Variants in LIMCH1 observed in about 807,000 individuals in gnomAD.
LIMCH1 encodes LIM and calponin homology domains-containing protein 1.
LIMCH1 carries 113 observed loss-of-function variants against 176.5 expected under a neutral mutation model. The observed-to-expected ratio is 0.64, with a 90% CI of 0.55 to 0.75. LIMCH1 has a LOEUF of 0.75. LIMCH1 is among the 30% of genes least tolerant of loss of function. The pLI is 0.00. For synonymous variants in LIMCH1, 619 were observed against 645.9 expected (o/e 0.96, Z 0.63); for missense variants, 1,674 against 1,814.9 (o/e 0.92, Z 1.41).
intron 1 of LIMCH1, among the ~76,000 whole-genome samples, chr4:41,410,556 GT>G (rs2154123185): frequency 6.6e-6 from 1 of 152,260 alleles, no homozygotes; most frequent in African/African-American, 2.4e-5. Context: ...CGACCAGGGT[GT>G]GATAGCTCTG....
intron 18 of LIMCH1, among the ~76,000 whole-genome samples, chr4:41,657,521 T>C (rs187355220): frequency 5.4e-4 from 83 of 152,338 alleles, no homozygotes; most frequent in African/African-American, 1.9e-3. Context: ...ATCGACTACC[T>C]ATTACTCAGC....
At chr4:41,465,776 A>G (rs560240100) in intron 1 of LIMCH1, among the ~76,000 whole-genome samples, 3 of 152,188 alleles carry the variant, frequency 2.0e-5, no homozygotes, top group Non-Finnish European at 4.4e-5. Flanking sequence ...TTCCTTCCCT[A>G]TAGAATAGAT....
At chr4:41,374,102 A>G (rs923733755) in intron 1 of LIMCH1, among the ~76,000 whole-genome samples, 1 of 152,092 alleles carries the variant, frequency 6.6e-6, no homozygotes, top group Non-Finnish European at 1.5e-5. Context: ...AGGTAGTTCT[A>G]TATAGCAGTG....
intron 2 of LIMCH1, among the ~76,000 whole-genome samples, chr4:41,523,947 C>T (rs2076362756): frequency 6.6e-6 from 1 of 152,190 alleles, no homozygotes; most frequent in Non-Finnish European, 1.5e-5. Flanking sequence ...TCTCAAAGAG[C>T]AAGTAGGGTC....
chr4:41,392,860 G>A (rs555280540), intron 1 of LIMCH1, among the ~76,000 whole-genome samples: 8 of 151,998 alleles, frequency 5.3e-5, no homozygotes, highest in South Asian at 2.1e-4. Context: ...GTGAAACCCC[G>A]TCTCTACAAA....
chr4:41,648,376 A>G (rs2094148336), intron 17 of LIMCH1, among the ~76,000 whole-genome samples: 1 of 152,190 alleles, frequency 6.6e-6, no homozygotes, highest in Admixed American at 6.5e-5. Context: ...CCATGGCGGC[A>G]AAGTGGAGCA....
intron 31 of LIMCH1, among the ~76,000 whole-genome samples, chr4:41,694,129 T>G (rs1219732097): frequency 6.6e-6 from 1 of 152,090 alleles, no homozygotes; most frequent in Non-Finnish European, 1.5e-5. Context: ...GATTTGGAGG[T>G]AGGCCACAAA....
intron 3 of LIMCH1, among the ~76,000 whole-genome samples, chr4:41,531,474 T>TCTCACACACACACACA (rs777097315): frequency 7.9e-6 from 1 of 126,986 alleles, no homozygotes; most frequent in African/African-American, 3.3e-5. Flanking sequence ...TCTTTCTCTG[T>TCTCACACACACACACA]CACACACACA....
intron 1 of LIMCH1, among the ~76,000 whole-genome samples, chr4:41,438,361 T>TTTTTC (rs1190349703): frequency 1.3e-5 from 2 of 152,020 alleles, no homozygotes; most frequent in Non-Finnish European, 2.9e-5. Flanking sequence ...TGCCTTTTAA[T>TTTTTC]TTTTCTTTTC....
intron 1 of LIMCH1, among the ~76,000 whole-genome samples, chr4:41,544,389 C>G (rs777995424): frequency 3.3e-5 from 5 of 152,232 alleles, no homozygotes; most frequent in Middle Eastern, 3.4e-3. Flanking sequence ...GTTCTTAACC[C>G]TGCAAGGTTT....
Position 41,524,536 on chromosome 4 carries a change from C to T in LIMCH1, c.237+58C>T. The stretch of plus-strand genomic sequence containing the variant: ...TATTCCTTTGCTCTAACCTAGGGGT[C>T]ATGACAGCACCATTTATTACAGTTC... On this transcript the variant is annotated intron_variant, in intron 3 of 26. Coordinates refer to the LIMCH1 transcript ENST00000313860. 3.3e-6 allele frequency: 4 copies of T among 1,202,180 alleles called. No individual in the cohort carries two copies. The South Asian group carries it at 4.9e-5, about 15-fold the overall frequency. The allele number at this position is 1,202,180 out of a possible 1,614,324, so 74.5% of individuals were successfully genotyped here.
intron 19 of LIMCH1, among the ~76,000 whole-genome samples, chr4:41,661,714 T>C (rs2094627889): frequency 6.6e-6 from 1 of 152,206 alleles, no homozygotes; most frequent in Non-Finnish European, 1.5e-5. Context: ...GAGCCCATGC[T>C]CTTTCTTAAA....
chr4:41,647,776 C>T (rs1375814503), intron 17 of LIMCH1, among the ~76,000 whole-genome samples: 1 of 152,222 alleles, frequency 6.6e-6, no homozygotes, highest in African/African-American at 2.4e-5. Flanking sequence ...GAGAACAAAA[C>T]CACACTTTCT....
chr4:41,589,245 T>C (rs1466620264), intron 1 of LIMCH1, among the ~76,000 whole-genome samples: 1 of 152,176 alleles, frequency 6.6e-6, no homozygotes, highest in Non-Finnish European at 1.5e-5. Context: ...ACTTCTTATG[T>C]CCCAGTTATT....
intron 4 of LIMCH1, among the ~76,000 whole-genome samples, chr4:41,609,455 T>TG (rs2091160484): frequency 6.6e-6 from 1 of 151,968 alleles, no homozygotes; most frequent in African/African-American, 2.4e-5. Context: ...CAGAGGGTGG[T>TG]GGGTGGAGAG....
chr4:41,368,387 A>C (rs185595093), intron 1 of LIMCH1, among the ~76,000 whole-genome samples: 1 of 152,246 alleles, frequency 6.6e-6, no homozygotes, highest in Non-Finnish European at 1.5e-5. Flanking sequence ...TCCTGCCCTC[A>C]TGAAATATAC....
intron 1 of LIMCH1, among the ~76,000 whole-genome samples, chr4:41,446,046 A>G (rs1197850846): frequency 1.3e-5 from 2 of 152,222 alleles, no homozygotes; most frequent in Admixed American, 6.5e-5. Flanking sequence ...GCCTCAGTAC[A>G]TTGGGTAATT....
chr4:41,644,889 T>C (rs1232295210), intron 15 of LIMCH1, among the ~76,000 whole-genome samples: 1 of 152,120 alleles, frequency 6.6e-6, no homozygotes, highest in Non-Finnish European at 1.5e-5. Flanking sequence ...GAAACTGGGA[T>C]GGGTTGTAGA....
chr4:41,581,404 A>G (rs2085406404), intron 1 of LIMCH1, among the ~76,000 whole-genome samples: 1 of 152,150 alleles, frequency 6.6e-6, no homozygotes, highest in South Asian at 2.1e-4. Flanking sequence ...CTCAGAATTT[A>G]TACATCTTAT....
Sources: allele counts gnomAD v4.1 joint callset (sites outside exome capture counted in the v4.1 genomes callset), GRCh38; gene constraint gnomAD v4.1.1; transcripts MANE v1.5; gene names NCBI Gene and HGNC (gene_info 2026-07-23, HGNC 2026-07-21).